Variants in BLNK observed in about 807,000 individuals in gnomAD.
BLNK encodes the protein B-cell linker protein.
In BLNK, 29 loss-of-function variants were observed where a neutral mutation model predicts 73.5. That is an observed-to-expected ratio of 0.39 (90% CI 0.29 to 0.54). The LOEUF is 0.54. Among genes scored for constraint, BLNK ranks in the 20% least tolerant of loss-of-function variants. BLNK has a pLI of 0.61. For synonymous variants in BLNK, 176 were observed against 200.8 expected, an observed-to-expected ratio of 0.88 and a Z score of 1.04; for missense variants, 460 against 562.8, an observed-to-expected ratio of 0.82 and a Z score of 1.85.
intron 4 of BLNK, 119 bp from the exon 5 acceptor site, chr10:96,227,685 A>T: frequency 6.7e-7 from 1 of 1,503,006 alleles, no homozygotes; most frequent in Non-Finnish European, 9.2e-7. Flanking sequence ...GGAGAGGTTG[A>T]CTTCAAAAGG....
intron 9 of BLNK, among the ~76,000 whole-genome samples, chr10:96,208,789 G>C (rs1284444221): frequency 6.6e-6 from 1 of 152,172 alleles, no homozygotes; most frequent in South Asian, 2.1e-4. Context: ...GGCTCCTCAG[G>C]TGCTATTTAA....
chr10:96,224,710 T>G (rs1362727932), intron 5 of BLNK, among the ~76,000 whole-genome samples: 2 of 152,108 alleles, frequency 1.3e-5, no homozygotes, highest in Non-Finnish European at 2.9e-5. Context: ...AATTTTTTAT[T>G]TTTTTGAGAC....
intron 5 of BLNK, among the ~76,000 whole-genome samples, chr10:96,226,604 G>A (rs781829094): frequency 7.2e-5 from 11 of 152,156 alleles, no homozygotes; most frequent in Non-Finnish European, 1.2e-4. Context: ...ACTTTGGGAG[G>A]CCGAGGCGGT....
chr10:96,212,893 G>C (rs1424297153), intron 8 of BLNK, among the ~76,000 whole-genome samples: 1 of 152,186 alleles, frequency 6.6e-6, no homozygotes, highest in Non-Finnish European at 1.5e-5. Context: ...CACTCGGACT[G>C]TTTAGGCTTG....
intron 2 of BLNK, among the ~76,000 whole-genome samples, chr10:96,244,059 T>C (rs1450715333): frequency 6.6e-6 from 1 of 152,178 alleles, no homozygotes; most frequent in Non-Finnish European, 1.5e-5. Context: ...CAAACCAAAA[T>C]TGTAATTTGC....
intron 3 of BLNK, among the ~76,000 whole-genome samples, chr10:96,234,753 T>C (rs1342742876): frequency 6.6e-6 from 1 of 152,198 alleles, no homozygotes; most frequent in Admixed American, 6.5e-5. Context: ...CTGATTCTAA[T>C]TTACTCCCAC....
intron 1 of BLNK, among the ~76,000 whole-genome samples, chr10:96,260,758 G>A (rs1843719789): frequency 6.6e-6 from 1 of 152,140 alleles, no homozygotes; most frequent in Non-Finnish European, 1.5e-5. Context: ...TGTATGTAGG[G>A]GTAGGGGTGA....
chr10:96,259,983 A>G (rs1168992600), intron 1 of BLNK, among the ~76,000 whole-genome samples: 3 of 152,166 alleles, frequency 2.0e-5, no homozygotes, highest in Admixed American at 2.0e-4. Context: ...TTGATTTGAC[A>G]GCTGAAATTG....
chr10:96,223,757 A>T, intron 6 of BLNK, 69 bp downstream of exon 6: 8 of 1,552,232 alleles, frequency 5.2e-6, no homozygotes, highest in Non-Finnish European at 5.3e-6. Flanking sequence ...GCCAGCGGGC[A>T]GGCTGTCCTG....
At chr10:96,216,339 T>C (rs1464378749) in intron 7 of BLNK, 2 of 360,090 alleles carry the variant, frequency 5.6e-6, no homozygotes, top group Non-Finnish European at 1.0e-5. Flanking sequence ...CTTGTGACAT[T>C]GTATTAGGTT....
intron 3 of BLNK, chr10:96,239,228 C>G: frequency 2.5e-6 from 1 of 398,572 alleles, no homozygotes; most frequent in East Asian, 3.6e-5. Context: ...ATGCCTAAAG[C>G]CAGGGAATGT....
intron 6 of BLNK, among the ~76,000 whole-genome samples, chr10:96,217,093 T>C (rs2084085753): frequency 6.6e-6 from 1 of 152,218 alleles, no homozygotes. Context: ...TTGAGACTTC[T>C]TTCACTTAGT....
chr10:96,266,498 A>T (rs2134152631), intron 1 of BLNK, among the ~76,000 whole-genome samples: 1 of 152,336 alleles, frequency 6.6e-6, no homozygotes, highest in Admixed American at 6.5e-5. Context: ...TTCTTGGCTG[A>T]TGACTCTGAA....
intron 1 of BLNK, among the ~76,000 whole-genome samples, chr10:96,262,149 C>A (rs1267888382): frequency 6.6e-6 from 1 of 152,216 alleles, no homozygotes; most frequent in African/African-American, 2.4e-5. Flanking sequence ...GGTAGGAGAG[C>A]TCTCTGCCCC....
chr10:96,238,655 T>TG (rs1190015485), intron 3 of BLNK, among the ~76,000 whole-genome samples: 2 of 151,448 alleles, frequency 1.3e-5, no homozygotes, highest in African/African-American at 4.9e-5. Flanking sequence ...TGAACTGGGG[T>TG]GGGGGAGAGA....
intron 1 of BLNK, among the ~76,000 whole-genome samples, chr10:96,260,948 A>T (rs1843731367): frequency 6.6e-6 from 1 of 151,784 alleles, no homozygotes; most frequent in Non-Finnish European, 1.5e-5. Flanking sequence ...GGCTCAAGTG[A>T]TCCTCCCACC....
At chr10:96,240,738 G>T (rs587740495) in intron 3 of BLNK, among the ~76,000 whole-genome samples, 31 of 152,342 alleles carry the variant, frequency 2.0e-4, no homozygotes, top group African/African-American at 7.2e-4. Context: ...GAGGTGAATG[G>T]TGGTGGGATA....
At chr10:96,228,818 G>A (rs782430235) in intron 4 of BLNK, among the ~76,000 whole-genome samples, 8 of 152,106 alleles carry the variant, frequency 5.3e-5, no homozygotes, top group Non-Finnish European at 8.8e-5. Context: ...TGTGTCCACC[G>A]CCCTCACACT....
chr10:96,230,314 T>C (rs587620469), intron 4 of BLNK, among the ~76,000 whole-genome samples: 6 of 152,222 alleles, frequency 3.9e-5, no homozygotes, highest in East Asian at 1.9e-4. Flanking sequence ...TGGGTCTGAA[T>C]TGTGGAACTG....
Sources: allele counts gnomAD v4.1 joint callset (sites outside exome capture counted in the v4.1 genomes callset), GRCh38; gene constraint gnomAD v4.1.1; transcripts MANE v1.5; gene names NCBI Gene and HGNC (gene_info 2026-07-23, HGNC 2026-07-21).